Variants in BRINP1 observed in about 807,000 individuals in gnomAD.
BRINP1 encodes BMP/retinoic acid inducible neural specific 1.
A neutral mutation model predicts 72.9 loss-of-function variants in BRINP1; 17 were observed. The observed-to-expected ratio is 0.23, with a 90% CI of 0.16 to 0.35. The LOEUF is 0.35. BRINP1 is among the 10% of genes least tolerant of loss of function. The probability of loss-of-function intolerance (pLI) is 1.00; values close to 1 mark genes in which losing one functional copy is unlikely to be tolerated. For synonymous variants in BRINP1, 418 were observed against 378.5 expected (o/e 1.10, Z -1.21); for missense variants, 850 against 1,001.6 (o/e 0.85, Z 2.04).
intron 2 of BRINP1, among the ~76,000 whole-genome samples, chr9:119,270,327 G>A (rs1191531083): frequency 6.6e-6 from 1 of 152,298 alleles, no homozygotes; most frequent in East Asian, 1.9e-4. Flanking sequence ...CAGACAACCT[G>A]ACTTATGTTT....
In BRINP1 at chr9:119,346,568, C is replaced by T. The variant is rs573116184; in HGVS notation, c.-51+22488G>A. ...AAATTTTAGACCAGCACTTAAGAGCCATCAGCCTGCCAGAGTTGGCCAAAG... is the reference window on the plus strand; with the variant it reads ...AAATTTTAGACCAGCACTTAAGAGCTATCAGCCTGCCAGAGTTGGCCAAAG... On this transcript the variant is annotated intron_variant, in intron 1 of 7. Coordinates refer to ENST00000265922, the MANE Select transcript of BRINP1 (RefSeq NM_014618.3). Among the ~76,000 whole-genome samples, 4 of 152,186 alleles carry T rather than the reference C, an allele frequency of 2.6e-5. No homozygotes were observed. The East Asian group carries it at 7.7e-4, about 29-fold the overall frequency.
intron 1 of BRINP1, among the ~76,000 whole-genome samples, chr9:119,331,626 C>T (rs1831301163): frequency 6.6e-6 from 1 of 152,118 alleles, no homozygotes. Flanking sequence ...TGTCTTAATC[C>T]TTTAACACTC....
chr9:119,242,013 G>A, intron 4 of BRINP1, 34 bp downstream of exon 4: 1 of 1,603,552 alleles, frequency 6.2e-7, no homozygotes, highest in Non-Finnish European at 8.5e-7. Flanking sequence ...GTTGTATTGA[G>A]AACCTGTCGC....
At chr9:119,366,780 T>A (rs1229436277) in intron 1 of BRINP1, among the ~76,000 whole-genome samples, 1 of 151,816 alleles carries the variant, frequency 6.6e-6, no homozygotes, top group Non-Finnish European at 1.5e-5. Context: ...AGGGTATTGA[T>A]CTAGCTGATT....
chr9:119,180,047 C>G (rs1400722671), intron 7 of BRINP1, among the ~76,000 whole-genome samples: 1 of 152,188 alleles, frequency 6.6e-6, no homozygotes, highest in Non-Finnish European at 1.5e-5. Context: ...GCTGGGGTTC[C>G]TAATTCAAGC....
chr9:119,318,712 A>G (rs890620385), intron 1 of BRINP1, among the ~76,000 whole-genome samples: 4 of 152,160 alleles, frequency 2.6e-5, no homozygotes, highest in Admixed American at 6.5e-5. Context: ...CATGGCTTCT[A>G]TTGTAAACTG....
At chr9:119,281,838 T>C (rs1308770678) in intron 2 of BRINP1, among the ~76,000 whole-genome samples, 2 of 152,224 alleles carry the variant, frequency 1.3e-5, no homozygotes, top group African/African-American at 4.8e-5. Context: ...ATTGTTTTCA[T>C]TCTTTTTAGT....
intron 5 of BRINP1, among the ~76,000 whole-genome samples, chr9:119,223,032 TG>T (rs1830056873): frequency 6.6e-6 from 1 of 152,022 alleles, no homozygotes; most frequent in Non-Finnish European, 1.5e-5. Flanking sequence ...TTCTTTTTCT[TG>T]TTATATCCTG....
At chr9:119,213,870 G>A (rs777811219) in intron 6 of BRINP1, 49 bp downstream of exon 6, 1 of 1,511,060 alleles carries the variant, frequency 6.6e-7, no homozygotes, top group South Asian at 1.1e-5. Context: ...CTCCCTTTCA[G>A]ACTTGGCTCA....
chr9:119,318,187 A>G (rs1480496201), intron 1 of BRINP1, among the ~76,000 whole-genome samples: 1 of 152,264 alleles, frequency 6.6e-6, no homozygotes, highest in East Asian at 1.9e-4. Context: ...CCCTCTCAAG[A>G]CCTCAGATTT....
At chr9:119,168,731 A>G (rs1829353715) in intron 7 of BRINP1, among the ~76,000 whole-genome samples, 1 of 122,724 alleles carries the variant, frequency 8.1e-6, no homozygotes, top group Non-Finnish European at 1.9e-5. Context: ...AACAAATTAT[A>G]TTTTATCATA....
At chr9:119,200,118 C>A (rs1829789400) in intron 7 of BRINP1, among the ~76,000 whole-genome samples, 1 of 152,110 alleles carries the variant, frequency 6.6e-6, no homozygotes. Context: ...ACTCAATTTG[C>A]AGAAGATTAT....
intron 5 of BRINP1, among the ~76,000 whole-genome samples, chr9:119,233,679 A>G (rs1830167214): frequency 6.6e-6 from 1 of 152,252 alleles, no homozygotes; most frequent in Non-Finnish European, 1.5e-5. Context: ...ATACAAATAA[A>G]GCATGTGCAG....
intron 7 of BRINP1, among the ~76,000 whole-genome samples, chr9:119,187,740 A>C (rs1829639901): frequency 1.3e-5 from 2 of 152,224 alleles, no homozygotes; most frequent in East Asian, 3.8e-4. Flanking sequence ...GAATTGCCTA[A>C]AAAGGCATTC....
At chr9:119,248,878 T>C (rs1830349636) in intron 3 of BRINP1, 82 bp downstream of exon 3, 2 of 1,219,974 alleles carry the variant, frequency 1.6e-6, no homozygotes, top group Admixed American at 4.3e-5. Flanking sequence ...AAGAAGGCTT[T>C]GCTGTTAAGA....
intron 7 of BRINP1, among the ~76,000 whole-genome samples, chr9:119,171,727 T>C (rs1187718023): frequency 2.8e-4 from 32 of 115,896 alleles, no homozygotes; most frequent in African/African-American, 1.2e-3. Flanking sequence ...ACCACATAGT[T>C]GGAAGTAAAG....
At chr9:119,253,396 T>C (rs573551292) in intron 2 of BRINP1, among the ~76,000 whole-genome samples, 33 of 152,276 alleles carry the variant, frequency 2.2e-4, no homozygotes, top group African/African-American at 7.5e-4. Flanking sequence ...AAAATATGTA[T>C]ACATACTCAA....
chr9:119,327,684 G>A (rs371544543), intron 1 of BRINP1, among the ~76,000 whole-genome samples: 1 of 147,632 alleles, frequency 6.8e-6, no homozygotes, highest in South Asian at 2.1e-4. Flanking sequence ...AAATTAGCAA[G>A]ATTTGGTGAC....
chr9:119,304,176 G>A (rs775876446), intron 2 of BRINP1, among the ~76,000 whole-genome samples: 20 of 152,136 alleles, frequency 1.3e-4, no homozygotes, highest in East Asian at 1.9e-4. Flanking sequence ...CACTGCGCCC[G>A]GCTGCTAAAG....
Sources: allele counts gnomAD v4.1 joint callset (sites outside exome capture counted in the v4.1 genomes callset), GRCh38; gene constraint gnomAD v4.1.1; transcripts MANE v1.5; gene names NCBI Gene and HGNC (gene_info 2026-07-23, HGNC 2026-07-21).